Variants in FNDC3A observed in about 807,000 individuals in gnomAD.
FNDC3A encodes the protein fibronectin type-III domain-containing protein 3A.
FNDC3A carries 32 observed loss-of-function variants against 148.9 expected under a neutral mutation model. The ratio of observed to expected loss-of-function variants is 0.21; its 90% confidence interval spans 0.16 to 0.29. The LOEUF is 0.29. FNDC3A is among the 10% of genes least tolerant of loss of function. FNDC3A has a pLI of 1.00. For missense variants in FNDC3A, 1,191 were observed against 1,452.8 expected (o/e 0.82, Z 2.93); for synonymous variants, 472 against 473.6 (o/e 1.00, Z 0.04).
intron 3 of FNDC3A, among the ~76,000 whole-genome samples, chr13:49,099,319 T>G (rs1195801252): frequency 6.6e-6 from 1 of 152,130 alleles, no homozygotes; most frequent in East Asian, 1.9e-4. Flanking sequence ...AATAAATCAT[T>G]CTCTCTTCCT....
At chr13:49,147,482 GGAGA>G (rs1312478758) in intron 8 of FNDC3A, among the ~76,000 whole-genome samples, 1 of 151,810 alleles carries the variant, frequency 6.6e-6, no homozygotes, top group Non-Finnish European at 1.5e-5. Flanking sequence ...AAAGTGGAGA[GGAGA>G]GAGACTTGGT....
At chr13:49,083,631 T>C (rs9535146) in intron 3 of FNDC3A, among the ~76,000 whole-genome samples, 93,892 of 151,996 alleles carry the variant, frequency 0.62, 29,645 homozygotes, top group Non-Finnish European at 0.68. Flanking sequence ...AAGAGGGCAG[T>C]GACTTGGTCT....
chr13:49,070,274 G>A (rs1877561230), intron 2 of FNDC3A, among the ~76,000 whole-genome samples: 1 of 151,956 alleles, frequency 6.6e-6, no homozygotes, highest in Non-Finnish European at 1.5e-5. Flanking sequence ...TGGGGTTACA[G>A]GCACCCGCCA....
intron 2 of FNDC3A, among the ~76,000 whole-genome samples, chr13:49,067,065 G>A (rs964052650): frequency 7.2e-5 from 11 of 152,084 alleles, no homozygotes; most frequent in Non-Finnish European, 1.6e-4. Flanking sequence ...TGACGAGATG[G>A]GTAAAGAAGT....
At chr13:49,076,650 A>G (rs1251843888) in intron 3 of FNDC3A, among the ~76,000 whole-genome samples, 8 of 151,808 alleles carry the variant, frequency 5.3e-5, no homozygotes, top group African/African-American at 1.9e-4. Context: ...TGTACTCTAA[A>G]CCAGCCTGGG....
intron 3 of FNDC3A, among the ~76,000 whole-genome samples, chr13:49,114,450 A>C (rs891420019): frequency 2.7e-5 from 4 of 150,932 alleles, no homozygotes; most frequent in Admixed American, 1.3e-4. Context: ...ACTTTAAAAA[A>C]CACAAATGTA....
intron 4 of FNDC3A, among the ~76,000 whole-genome samples, chr13:49,121,596 A>G (rs933741320): frequency 1.3e-5 from 2 of 152,094 alleles, no homozygotes; most frequent in African/African-American, 4.8e-5. Flanking sequence ...TAGATAGACC[A>G]CTAGCTGGAC....
intron 11 of FNDC3A, among the ~76,000 whole-genome samples, 156 bp downstream of exon 11, chr13:49,172,252 G>A (rs2138056418): frequency 1.3e-5 from 2 of 152,268 alleles, no homozygotes; most frequent in Middle Eastern, 6.8e-3. Flanking sequence ...GGTGTTTTCA[G>A]AAAACATTCC....
chr13:49,077,688 A>G (rs1264309778), intron 3 of FNDC3A, among the ~76,000 whole-genome samples: 1 of 152,204 alleles, frequency 6.6e-6, no homozygotes, highest in Non-Finnish European at 1.5e-5. Context: ...TGCAGGGCTT[A>G]AAACCTAGGT....
At chr13:49,111,143 A>G (rs920453753) in intron 3 of FNDC3A, among the ~76,000 whole-genome samples, 2 of 152,212 alleles carry the variant, frequency 1.3e-5, no homozygotes, top group Non-Finnish European at 2.9e-5. Context: ...CATTGCATAC[A>G]AATTTAAGTC....
chr13:49,005,497 TG>T (rs1317944702), intron 1 of FNDC3A, among the ~76,000 whole-genome samples: 1 of 134,314 alleles, frequency 7.4e-6, no homozygotes, highest in Non-Finnish European at 1.6e-5. Context: ...TGTAAATATA[TG>T]TTTTTTTGTT....
chr13:49,016,473 C>G (rs979728317), intron 2 of FNDC3A, among the ~76,000 whole-genome samples: 1 of 152,040 alleles, frequency 6.6e-6, no homozygotes, highest in Non-Finnish European at 1.5e-5. Flanking sequence ...TTTATTGTAT[C>G]TATTTGATTC....
rs138527370 is a variant in FNDC3A, at chr13:49,012,603, C to T, written c.99+6314C>T. On this transcript the variant is annotated intron_variant, in intron 2 of 25. Transcript: ENST00000492622. The stretch of plus-strand genomic sequence containing the variant: ...CACCTGCTGAGTTTGATTTAGATTG[C>T]CTTGAATCTATAGATTGATTGAGGG... Among the ~76,000 whole-genome samples, 1,425 of 152,036 alleles carry T rather than the reference C, an allele frequency of 9.4e-3. 24 individuals carry two copies. Among genetic ancestry groups the T allele is most frequent in the African/African-American group, 0.032 (1,341 of 41,448 alleles).
intron 16 of FNDC3A, 54 bp from the exon 17 acceptor site, chr13:49,188,461 C>G: frequency 1.9e-6 from 2 of 1,061,746 alleles, no homozygotes; most frequent in Non-Finnish European, 1.5e-6. Flanking sequence ...TCCATGATAC[C>G]AGAACGTTAA....
chr13:49,004,933 T>C (rs910093156), intron 1 of FNDC3A, among the ~76,000 whole-genome samples: 1 of 151,940 alleles, frequency 6.6e-6, no homozygotes, highest in Non-Finnish European at 1.5e-5. Flanking sequence ...TTTGACAATA[T>C]TTAAAGTACT....
intron 8 of FNDC3A, among the ~76,000 whole-genome samples, chr13:49,158,755 C>CT (rs1276336202): frequency 6.6e-6 from 1 of 152,220 alleles, no homozygotes; most frequent in Non-Finnish European, 1.5e-5. Context: ...GGTTTTGGGT[C>CT]TAACATTTAA....
At chr13:49,048,859 A>G (rs2407267) in intron 2 of FNDC3A, among the ~76,000 whole-genome samples, 87,393 of 151,956 alleles carry the variant, frequency 0.58, 26,898 homozygotes, top group Non-Finnish European at 0.68. Flanking sequence ...TTCACTGAAT[A>G]GAAGTGGTAA....
intron 10 of FNDC3A, among the ~76,000 whole-genome samples, chr13:49,171,488 T>C (rs560420642): frequency 2.0e-5 from 3 of 152,120 alleles, no homozygotes; most frequent in Non-Finnish European, 2.9e-5. Context: ...TTTAGAGTGA[T>C]TAAATACTGA....
At chr13:49,060,733 G>T (rs1388949398) in intron 2 of FNDC3A, among the ~76,000 whole-genome samples, 1 of 151,342 alleles carries the variant, frequency 6.6e-6, no homozygotes, top group Non-Finnish European at 1.5e-5. Context: ...AAAGAAGCCA[G>T]GTCACAAAAG....
Sources: gnomAD v4.1 joint callset for allele counts (sites outside exome capture counted in the v4.1 genomes callset) on GRCh38, gnomAD v4.1.1 for gene constraint, MANE v1.5 for transcripts, NCBI Gene and HGNC (gene_info 2026-07-23, HGNC 2026-07-21) for gene names.